Variants in SUPT3H observed in about 807,000 individuals in gnomAD.
SUPT3H encodes the protein transcription initiation protein SPT3 homolog.
In SUPT3H, 44 loss-of-function variants were observed where a neutral mutation model predicts 44.3. The ratio of observed to expected loss-of-function variants is 0.99; its 90% CI spans 0.78 to 1.28. The LOEUF is 1.28. SUPT3H is among the 50% of genes most tolerant of loss of function. The pLI is 0.00. For synonymous variants in SUPT3H, 124 were observed against 125.6 expected (o/e 0.99, Z 0.09); for missense variants, 380 against 387.1 (o/e 0.98, Z 0.15).
chr6:45,276,237 T>C (rs1044781813), intron 2 of SUPT3H, among the ~76,000 whole-genome samples: 6 of 152,216 alleles, frequency 3.9e-5, no homozygotes, highest in Admixed American at 6.5e-5. Flanking sequence ...GACATATAAA[T>C]AGAATAATAT....
rs528093141 is a variant in SUPT3H, at chr6:45,111,799, C to A, written c.102-5793G>T. Among the ~76,000 whole-genome samples the A allele has an allele frequency of 7.9e-5, 12 of 152,160 alleles. No individual in the cohort carries two copies. The South Asian group carries it at 1.0e-3, about 13-fold the overall frequency. ...CATCTCACTGTAGTCACGGCCCCCCCACCCCCACTCAGGGAAAGAAATAGC... is the reference window on the plus strand; with the variant it reads ...CATCTCACTGTAGTCACGGCCCCCCAACCCCCACTCAGGGAAAGAAATAGC... On this transcript the variant is annotated intron_variant, in intron 2 of 10. Transcript: ENST00000371459.
intron 6 of SUPT3H, among the ~76,000 whole-genome samples, chr6:44,966,179 T>C (rs536641541): frequency 1.0e-3 from 152 of 152,322 alleles, no homozygotes; most frequent in Non-Finnish European, 1.9e-3. Flanking sequence ...TCACCCATTC[T>C]GATCCATACT....
At chr6:45,358,936 T>C (rs930883025) in intron 2 of SUPT3H, among the ~76,000 whole-genome samples, 11 of 152,162 alleles carry the variant, frequency 7.2e-5, no homozygotes, top group African/African-American at 2.7e-4. Flanking sequence ...GCAATTATAC[T>C]GCAATTTTAG....
chr6:45,104,189 G>A (rs945713954), intron 3 of SUPT3H, among the ~76,000 whole-genome samples: 1 of 152,076 alleles, frequency 6.6e-6, no homozygotes, highest in Non-Finnish European at 1.5e-5. Context: ...TAGGCCATAT[G>A]CTTCCTTTTT....
chr6:45,063,690 A>G (rs1792647063), intron 3 of SUPT3H, among the ~76,000 whole-genome samples: 1 of 44,304 alleles, frequency 2.3e-5, no homozygotes, highest in Non-Finnish European at 4.2e-5. Context: ...GATGTGATCA[A>G]CTGGAAGAAA....
chr6:44,837,209 GT>G (rs908935894), intron 10 of SUPT3H, among the ~76,000 whole-genome samples: 2 of 152,148 alleles, frequency 1.3e-5, no homozygotes, highest in African/African-American at 4.8e-5. Flanking sequence ...AATAACAATT[GT>G]TTGGGGGCTC....
intron 2 of SUPT3H, among the ~76,000 whole-genome samples, chr6:45,237,236 T>C (rs912829669): frequency 6.6e-6 from 1 of 151,974 alleles, no homozygotes; most frequent in Non-Finnish European, 1.5e-5. Context: ...GATACAGGAG[T>C]GGACATTTCA....
intron 2 of SUPT3H, among the ~76,000 whole-genome samples, chr6:45,265,949 C>T (rs534820161): frequency 2.0e-5 from 3 of 152,078 alleles, no homozygotes; most frequent in African/African-American, 7.2e-5. Context: ...ATCTTTTGCC[C>T]AAATATAAGT....
chr6:45,184,917 C>G (rs1210913410), intron 2 of SUPT3H, among the ~76,000 whole-genome samples: 1 of 152,096 alleles, frequency 6.6e-6, no homozygotes, highest in Non-Finnish European at 1.5e-5. Context: ...AACAGCTTTA[C>G]CACCCACTTT....
chr6:45,172,593 ATTTTTTT>A (rs141335840), intron 2 of SUPT3H, among the ~76,000 whole-genome samples: 23 of 146,090 alleles, frequency 1.6e-4, no homozygotes, highest in Admixed American at 4.1e-4. Flanking sequence ...AGATAGATAT[ATTTTTTT>A]TTTTTTTTTT....
intron 6 of SUPT3H, among the ~76,000 whole-genome samples, chr6:44,982,723 T>C (rs1347578905): frequency 6.6e-6 from 1 of 152,232 alleles, no homozygotes; most frequent in Non-Finnish European, 1.5e-5. Flanking sequence ...ATTTAGAGAA[T>C]GAAGAGGCCT....
At chr6:45,015,389 T>C (rs893930574) in intron 4 of SUPT3H, among the ~76,000 whole-genome samples, 4 of 152,064 alleles carry the variant, frequency 2.6e-5, no homozygotes, top group African/African-American at 9.7e-5. Flanking sequence ...AAATGATACA[T>C]TTGTAGAGGG....
At position 44,937,900 on chromosome 6, in the gene SUPT3H, CTTTTTTTTTTTTT is replaced by C. The variant is rs746279156; in HGVS notation, c.802-5150_802-5138del. On this transcript the variant is annotated intron_variant, in intron 9 of 10. Coordinates refer to ENST00000371459, the MANE Select transcript of SUPT3H (RefSeq NM_003599.4). ...ATTCTGCAGGTTCTTTGCTCACTAT[CTTTTTTTTTTTTT>C]TTTTTTTTTTTTTTGAGGCGGAGTC... 7.8e-4 allele frequency among the ~76,000 whole-genome samples: 46 copies of C among 59,060 alleles called. 1 individual carries two copies. The highest frequency in any genetic ancestry group is 1.1e-3 in the Non-Finnish European group (40 of 35,028). The allele number at this position is 59,060 out of a possible 152,430, so 38.7% of individuals were successfully genotyped here.
intron 9 of SUPT3H, among the ~76,000 whole-genome samples, chr6:44,933,696 T>G (rs1770956924): frequency 6.6e-6 from 1 of 152,214 alleles, no homozygotes; most frequent in Non-Finnish European, 1.5e-5. Flanking sequence ...TAGACTGCAG[T>G]GCAGTGGTGT....
chr6:44,876,865 A>G lies in SUPT3H; in HGVS notation c.913-47008T>C, dbSNP rs1208253610. 2.6e-5 allele frequency among the ~76,000 whole-genome samples: 4 copies of G among 151,350 alleles called. No homozygotes were observed. The East Asian group carries it at 7.8e-4, about 29-fold the overall frequency. On this transcript the variant is annotated intron_variant, in intron 10 of 10. Coordinates refer to ENST00000371459, the MANE Select transcript of SUPT3H (RefSeq NM_003599.4). ...AAAAAAAAAAAGAAAAAGAAAAAAA[A>G]AGTGTATGACATTGTATGAAAATTT...
At position 44,827,675 on chromosome 6, in the gene SUPT3H, CA is replaced by C. The variant is rs1280793490; in HGVS notation, c.*2140del. ...TGCTGAAGGAAGTTTTATTTCACTTCAAATTTAGTATTGTGCAAAGAGTCAG... is the reference window on the plus strand; with the variant it reads ...TGCTGAAGGAAGTTTTATTTCACTTCAATTTAGTATTGTGCAAAGAGTCAG... On this transcript the variant is annotated 3_prime_UTR_variant, in exon 11 of 11. Transcript: ENST00000371459. Among the ~76,000 whole-genome samples the C allele has an allele frequency of 1.3e-5, 2 of 151,922 alleles. No individual in the cohort carries two copies. Among genetic ancestry groups the C allele is most frequent in the Admixed American group, 1.3e-4 (2 of 15,250 alleles).
intron 3 of SUPT3H, among the ~76,000 whole-genome samples, chr6:45,053,914 C>CAAAA (rs56734466): frequency 1.3e-5 from 1 of 79,672 alleles, no homozygotes; most frequent in African/African-American, 4.5e-5. Flanking sequence ...GACTCCGTCT[C>CAAAA]AAAAAAAAAA....
chr6:45,079,171 G>A (rs1258252665), intron 3 of SUPT3H, among the ~76,000 whole-genome samples: 1 of 152,048 alleles, frequency 6.6e-6, no homozygotes, highest in African/African-American at 2.4e-5. Flanking sequence ...TTAGCCAGGC[G>A]TGGCAGCACA....
At chr6:45,296,668 C>T (rs1369010364) in intron 2 of SUPT3H, among the ~76,000 whole-genome samples, 1 of 136,052 alleles carries the variant, frequency 7.4e-6, no homozygotes, top group Non-Finnish European at 1.5e-5. Flanking sequence ...GAACCCGGGA[C>T]ACGGAGGTTG....
Sources: gnomAD v4.1 joint callset for allele counts (sites outside exome capture counted in the v4.1 genomes callset) on GRCh38, gnomAD v4.1.1 for gene constraint, MANE v1.5 for transcripts, NCBI Gene and HGNC (gene_info 2026-07-23, HGNC 2026-07-21) for gene names.